The following SLC3A1 variants were observed in gnomAD, a reference collection of about 807,000 sequenced individuals.
SLC3A1 encodes amino acid transporter heavy chain SLC3A1.
In SLC3A1, 78 loss-of-function variants were observed where a neutral mutation model predicts 60.3. The observed-to-expected ratio is 1.29, with a 90% CI of 1.08 to 1.56. The LOEUF (loss-of-function observed/expected upper bound fraction) is 1.56, where lower values mean the gene tolerates loss of function less well. SLC3A1 is among the 40% of genes most tolerant of loss of function. The pLI, the probability that SLC3A1 is intolerant of heterozygous loss-of-function variation, is 0.00. For synonymous variants in SLC3A1, 392 were observed against 307.9 expected (o/e 1.27, Z -2.86); for missense variants, 1,172 against 858.9 (o/e 1.36, Z -4.56).
At chr2:44,322,091 A>C (rs575074975), downstream of SLC3A1, among the ~76,000 whole-genome samples, 61 of 152,278 alleles carry the variant, frequency 4.0e-4, no homozygotes, top group African/African-American at 1.4e-3. Flanking sequence ...TGACACAGCG[A>C]AAGCAGGAAG....
rs149590349 is a variant in SLC3A1, at chr2:44,313,906, C to T, written c.1572C>T (p.Asn524=). 984 of 1,614,054 alleles carry T rather than the reference C, an allele frequency of 6.1e-4. 6 individuals carry two copies. In the African/African-American group the frequency reaches 0.012, roughly 20 times the overall value. ...SSNAGFSEAS[N]TWLPTNSDYH... ...ATGCTGGTTTTTCTGAAGCTAGTAA[C>T]ACCTGGTTACCTACCAATTCAGATT... The change falls in exon 9 of 10, where the codon AAC becomes AAT. Residue 524 remains asparagine (N), a synonymous_variant. Transcript: ENST00000260649.
rs551975130 is a variant in SLC3A1 at position 44,321,411 on chromosome 2, A to G, written c.*772A>G. 5 of 1,613,256 alleles carry G rather than the reference A, an allele frequency of 3.1e-6. No homozygotes were observed. The African/African-American group carries it at 6.7e-5, about 22-fold the overall frequency. The stretch of plus-strand genomic sequence containing the variant: ...GAAAACACTGGTGCTGTCAAGTCCA[A>G]GTTCCTCGTACAGGAATTTAATTTG... On this transcript the variant is annotated 3_prime_UTR_variant, in exon 10 of 10. Coordinates refer to ENST00000260649, the MANE Select transcript of SLC3A1 (RefSeq NM_000341.4).
At chr2:44,320,171 T>C (rs916521746) in intron 9 of SLC3A1, 28 bp from the exon 10 acceptor site, 9 of 1,549,864 alleles carry the variant, frequency 5.8e-6, no homozygotes, top group Non-Finnish European at 8.0e-6. Context: ...AATCAAACAC[T>C]TACGTAAATA....
In SLC3A1 at chr2:44,304,650, AAG is replaced by A. The variant is rs1672107022; in HGVS notation, c.1332+315_1332+316del. 6.6e-5 allele frequency among the ~76,000 whole-genome samples: 10 copies of A among 152,212 alleles called. 1 individual carries two copies. In the South Asian group the frequency reaches 1.9e-3, roughly 28 times the overall value. ...AGAGTTTATGATGTCAATGGGAAGA[AAG>A]AGGATTTCGGGTGTAGAAGAGGTAC... On this transcript the variant is annotated intron_variant, in intron 7 of 9. Coordinates refer to ENST00000260649, the MANE Select transcript of SLC3A1 (RefSeq NM_000341.4).
chr2:44,289,124 C>T (rs1368944129), intron 4 of SLC3A1, among the ~76,000 whole-genome samples: 6 of 151,616 alleles, frequency 4.0e-5, no homozygotes, highest in Non-Finnish European at 7.4e-5. Flanking sequence ...TGTGAGCCAC[C>T]GCACCTGGCC....
At chr2:44,307,240 T>C (rs1672180302) in intron 7 of SLC3A1, among the ~76,000 whole-genome samples, 1 of 152,244 alleles carries the variant, frequency 6.6e-6, no homozygotes, top group Non-Finnish European at 1.5e-5. Flanking sequence ...TATCTGATCA[T>C]GAATTGACAG....
intron 4 of SLC3A1, among the ~76,000 whole-genome samples, chr2:44,295,861 C>G (rs1671836451): frequency 6.6e-6 from 1 of 152,196 alleles, no homozygotes; most frequent in African/African-American, 2.4e-5. Context: ...GTGCTCTGCC[C>G]CAACCAATGT....
Position 44,312,629 on chromosome 2 carries a change from A to G in SLC3A1, c.1376A>G (p.Asn459Ser). Residue 459 changes from asparagine (N) to serine (S), a missense_variant, in exon 8 of 10, where the codon AAT (asparagine) becomes AGT (serine). Coordinates refer to ENST00000260649, the MANE Select transcript of SLC3A1 (RefSeq NM_000341.4). ...TCACGGCTGACTTCGCGTTTGGGGAATCAGTATGTCAACGTGATGAACATG... is the reference window on the plus strand; with the variant it reads ...TCACGGCTGACTTCGCGTTTGGGGAGTCAGTATGTCAACGTGATGAACATG... ...DSSRLTSRLG[N>S]QYVNVMNMLL... 1 of 1,613,994 alleles carries G rather than the reference A, an allele frequency of 6.2e-7. No individual in the cohort carries two copies. The highest frequency in any genetic ancestry group is 8.5e-7 in the Non-Finnish European group (1 of 1,179,890).
In SLC3A1 at chr2:44,276,061, T is replaced by G; in HGVS notation, c.430+96T>G. On this transcript the variant is annotated intron_variant, in intron 1 of 9. Coordinates refer to ENST00000260649, the MANE Select transcript of SLC3A1 (RefSeq NM_000341.4). ...ACCAAATTATGCCTGGGTTGTTCAG[T>G]AAGCACATTCCATTATGACTGGTCA... 7.3e-6 allele frequency: 8 copies of G among 1,095,120 alleles called. No homozygotes were observed. In the South Asian group the frequency reaches 1.0e-4, roughly 14 times the overall value. The allele number at this position is 1,095,120 out of a possible 1,614,324, so 67.8% of individuals were successfully genotyped here. A position where few individuals can be genotyped will look rare whatever the true frequency, so the allele number is the denominator to read the frequency against.
chr2:44,299,389 G>C (rs2104361656), intron 4 of SLC3A1, among the ~76,000 whole-genome samples: 1 of 152,266 alleles, frequency 6.6e-6, no homozygotes, highest in Non-Finnish European at 1.5e-5. Context: ...TAGTATCTGA[G>C]TTTTACCACA....
intron 1 of SLC3A1, among the ~76,000 whole-genome samples, chr2:44,277,295 C>G (rs1300625462): frequency 6.6e-6 from 1 of 151,736 alleles, no homozygotes; most frequent in Non-Finnish European, 1.5e-5. Flanking sequence ...TTAATAGAGA[C>G]GAGGGTTCTC....
At chr2:44,277,556 C>T (rs1422980843) in intron 1 of SLC3A1, among the ~76,000 whole-genome samples, 5 of 152,256 alleles carry the variant, frequency 3.3e-5, no homozygotes, top group East Asian at 3.9e-4. Context: ...CCCAGATCTT[C>T]GGCTTTGGAT....
Position 44,312,644 on chromosome 2 carries a change from T to C in SLC3A1, c.1391T>C (p.Val464Ala), listed in dbSNP as rs1376264091. 1.2e-6 allele frequency: 2 copies of C among 1,613,968 alleles called. No individual in the cohort carries two copies. Among genetic ancestry groups the C allele is most frequent in the Non-Finnish European group, 8.5e-7 (1 of 1,179,846 alleles). Residue 464 changes from valine (V) to alanine (A), a missense_variant, in exon 8 of 10, where the codon GTG (valine) becomes GCG (alanine). Coordinates refer to ENST00000260649, the MANE Select transcript of SLC3A1 (RefSeq NM_000341.4). ...TSRLGNQYVN[V>A]MNMLLFTLPG... Reference sequence around the variant, plus strand: ...CGTTTGGGGAATCAGTATGTCAACGTGATGAACATGCTTCTTTTCACACTC... The same window carrying C: ...CGTTTGGGGAATCAGTATGTCAACGCGATGAACATGCTTCTTTTCACACTC...
chr2:44,306,098 G>A (rs929272521), intron 7 of SLC3A1, among the ~76,000 whole-genome samples: 1 of 152,156 alleles, frequency 6.6e-6, no homozygotes, highest in Non-Finnish European at 1.5e-5. Flanking sequence ...GTTGTTATTC[G>A]TATGCAGTTC....
chr2:44,319,935 T>C (rs1382032035), intron 9 of SLC3A1: 1 of 400,914 alleles, frequency 2.5e-6, no homozygotes, highest in African/African-American at 2.0e-5. Flanking sequence ...GAGTCAAATT[T>C]GATCTCTACA....
At position 44,280,833 on chromosome 2, in the gene SLC3A1, T is replaced by C. The variant is rs1233216697; in HGVS notation, c.548T>C (p.Val183Ala). The change falls in exon 2 of 10, where the codon GTT (valine) becomes GCT (alanine). Residue 183 changes from valine to alanine, a missense_variant. By Grantham distance (64) the Val-to-Ala change is moderately conservative (BLOSUM62 0). Transcript: ENST00000260649. ...FRYGVEDFRE[V>A]DPIFGTMEDF... ...TATGGTGTTGAAGATTTCCGGGAAG[T>C]TGATCCCATTTTTGGAACGATGGAA... The C allele has an allele frequency of 1.2e-6, 2 of 1,613,982 alleles. No homozygotes were observed. The highest frequency in any genetic ancestry group is 4.5e-5 in the East Asian group (2 of 44,884).
chr2:44,285,673 A>G, intron 3 of SLC3A1: 2 of 492,322 alleles, frequency 4.1e-6, no homozygotes, highest in Non-Finnish European at 8.3e-6. Context: ...CAAATTGACT[A>G]CCATTTTGCT....
Position 44,300,094 on chromosome 2 carries a change from A to T in SLC3A1, c.1011+4A>T. 1.2e-6 allele frequency: 2 copies of T among 1,613,930 alleles called. No individual in the cohort carries two copies. Among genetic ancestry groups the T allele is most frequent in the East Asian group, 4.5e-5 (2 of 44,866 alleles). ...AGTAAATAAGACCCAAATCCCGGTA[A>T]AGTTTTATTTTAAACGTTTTTCTTT... On this transcript the variant is annotated splice_donor_region_variant and intron_variant, in intron 5 of 9. Coordinates refer to ENST00000260649, the MANE Select transcript of SLC3A1 (RefSeq NM_000341.4).
intron 7 of SLC3A1, among the ~76,000 whole-genome samples, chr2:44,311,347 C>A (rs998059049): frequency 3.3e-5 from 5 of 152,114 alleles, no homozygotes; most frequent in Non-Finnish European, 5.9e-5. Context: ...GGTTTAAAAT[C>A]TTTGTCTAGT....
Sources: allele counts gnomAD v4.1 joint callset (sites outside exome capture counted in the v4.1 genomes callset), GRCh38; gene constraint gnomAD v4.1.1; transcripts MANE v1.5; gene names NCBI Gene and HGNC (gene_info 2026-07-23, HGNC 2026-07-21).